The following BACE2 variants were observed in gnomAD, a reference collection of about 807,000 sequenced individuals.
BACE2 encodes the protein beta-secretase 2.
Under a neutral mutation model 46.2 loss-of-function variants are expected in BACE2, and 17 were observed. The ratio of observed to expected loss-of-function variants is 0.37; its 90% CI spans 0.25 to 0.55. The LOEUF (loss-of-function observed/expected upper bound fraction) is 0.55. Among genes scored for constraint, BACE2 ranks in the 20% least tolerant of loss-of-function variants. The pLI is 0.82. For missense variants in BACE2, 595 were observed against 698.1 expected, an observed-to-expected ratio of 0.85 and a Z score of 1.66; for synonymous variants, 277 against 295.9, an observed-to-expected ratio of 0.94 and a Z score of 0.66.
At chr21:41,186,962 A>G (rs1250273121) in intron 1 of BACE2, among the ~76,000 whole-genome samples, 3 of 152,240 alleles carry the variant, frequency 2.0e-5, no homozygotes, top group African/African-American at 4.8e-5. Flanking sequence ...GTAAACCGAC[A>G]TGGCATGCTG....
intron 1 of BACE2, chr21:41,183,383 C>T (rs537684126): frequency 1.2e-5 from 2 of 167,118 alleles, no homozygotes; most frequent in African/African-American, 4.8e-5. Context: ...AGTTTGACAG[C>T]ACGCTAGATG....
At chr21:41,249,479 T>G (rs757148027) in intron 6 of BACE2, among the ~76,000 whole-genome samples, 1 of 152,184 alleles carries the variant, frequency 6.6e-6, no homozygotes, top group Non-Finnish European at 1.5e-5. Context: ...CCTCTGCAGA[T>G]GAAATGTGGT....
At chr21:41,179,494 G>A in intron 1 of BACE2, 1 of 1,335,946 alleles carries the variant, frequency 7.5e-7, no homozygotes, top group East Asian at 4.8e-5. Context: ...AGGGTGAGGA[G>A]TGACGGTGTC....
intron 1 of BACE2, among the ~76,000 whole-genome samples, chr21:41,225,097 G>A (rs1171243026): frequency 6.6e-5 from 10 of 152,060 alleles, no homozygotes; most frequent in Admixed American, 2.6e-4. Context: ...ATCCGGGCTC[G>A]GTGGCGGGCA....
chr21:41,222,596 G>C (rs1026953107), intron 1 of BACE2, among the ~76,000 whole-genome samples: 1 of 152,228 alleles, frequency 6.6e-6, no homozygotes, highest in African/African-American at 2.4e-5. Context: ...TGAGGACTTC[G>C]CCAGTTACTC....
rs896049040 is a variant in BACE2, at chr21:41,243,410, G to A, written c.782G>A (p.Gly261Glu). ...LGGIEPSLYK[G>E]DIWYTPIKEE... ...GGAATTGAACCAAGTTTGTATAAAG[G>A]AGACATCTGGTATACCCCTATTAAG... Residue 261 changes from glycine to glutamate, a missense_variant, in exon 5 of 9, where the codon GGA becomes GAA. By Grantham distance (98) the Gly-to-Glu change is moderately conservative. Transcript: ENST00000330333. 1.2e-5 allele frequency: 20 copies of A among 1,609,808 alleles called. No homozygotes were observed. The highest frequency in any genetic ancestry group is 1.6e-5 in the Non-Finnish European group (19 of 1,178,634).
chr21:41,185,374 A>C (rs1985332941), intron 1 of BACE2: 1 of 152,184 alleles, frequency 6.6e-6, no homozygotes, highest in Non-Finnish European at 1.5e-5. Flanking sequence ...TGACTTGCTG[A>C]AGAACCTACC....
chr21:41,198,097 T>C (rs1985803282), intron 1 of BACE2, among the ~76,000 whole-genome samples: 1 of 152,140 alleles, frequency 6.6e-6, no homozygotes, highest in Non-Finnish European at 1.5e-5. Context: ...GTTCAAGCAA[T>C]TCTCGTGCCT....
intron 1 of BACE2, among the ~76,000 whole-genome samples, chr21:41,188,903 G>A (rs1205217513): frequency 6.6e-6 from 1 of 152,206 alleles, no homozygotes; most frequent in Non-Finnish European, 1.5e-5. Flanking sequence ...CACAGCCAAT[G>A]GCACATTGGT....
At chr21:41,268,160 G>T (rs1177646538) in intron 8 of BACE2, among the ~76,000 whole-genome samples, 1 of 152,164 alleles carries the variant, frequency 6.6e-6, no homozygotes, top group Admixed American at 6.5e-5. Context: ...CTATTAACTT[G>T]ATTGTTCTTA....
At chr21:41,195,789 A>G (rs1042738573) in intron 1 of BACE2, among the ~76,000 whole-genome samples, 1 of 152,260 alleles carries the variant, frequency 6.6e-6, no homozygotes, top group Non-Finnish European at 1.5e-5. Flanking sequence ...AATCAAATGT[A>G]TGACCACAAA....
At chr21:41,218,990 G>C (rs1986559767) in intron 1 of BACE2, among the ~76,000 whole-genome samples, 1 of 151,966 alleles carries the variant, frequency 6.6e-6, no homozygotes, top group Non-Finnish European at 1.5e-5. Context: ...AGCCTCCCGA[G>C]TAGCTGGGAC....
rs780293498 is a variant in BACE2 at position 41,257,355 on chromosome 21, C to T, written c.1303+29C>T. ...AGCGATTCTGGCATCGAACAGGGAT[C>T]CCCGACAAGAGTCCTTTATGTAAAT... On this transcript the variant is annotated intron_variant, in intron 8 of 8. Coordinates refer to ENST00000330333, the MANE Select transcript of BACE2 (RefSeq NM_012105.5). The T allele has an allele frequency of 2.5e-6, 4 of 1,607,724 alleles. No individual in the cohort carries two copies. In the South Asian group the frequency reaches 3.3e-5, roughly 13 times the overall value.
At chr21:41,270,986 A>G (rs79177447) in intron 8 of BACE2, among the ~76,000 whole-genome samples, 2,647 of 152,270 alleles carry the variant, frequency 0.017, 87 homozygotes, top group African/African-American at 0.061. Context: ...AAACACTGTT[A>G]TTAGGTAAAA....
rs1479979438 is a variant in BACE2 at position 41,279,055 on chromosome 21, C to T, written c.*3431C>T. ...TTGTTTTTTTTGAAAAACGACGCAACACCATAAAGTGTAAAATTAGGGGTT... is the reference window on the plus strand; with the variant it reads ...TTGTTTTTTTTGAAAAACGACGCAATACCATAAAGTGTAAAATTAGGGGTT... On this transcript the variant is annotated 3_prime_UTR_variant, in exon 9 of 9. Transcript: ENST00000330333. 6.6e-6 allele frequency: 1 copy of T among 151,796 alleles called. No individual in the cohort carries two copies. The highest frequency in any genetic ancestry group is 1.5e-5 in the Non-Finnish European group (1 of 68,010). 9.4% of individuals were successfully genotyped at this position (151,796 alleles called of 1,614,324 possible).
Position 41,272,648 on chromosome 21 carries a change from A to G in BACE2, c.1304-2723A>G, listed in dbSNP as rs79149196. On this transcript the variant is annotated intron_variant, in intron 8 of 8. Coordinates refer to ENST00000330333, the MANE Select transcript of BACE2 (RefSeq NM_012105.5). ...ACTAAAAATTTGATTTAGATCTTTA[A>G]TGTCTTCCGTGTCTCTATTTAACAT... Among the ~76,000 whole-genome samples, 1,108 of 152,124 alleles carry G rather than the reference A, an allele frequency of 7.3e-3. 14 individuals carry two copies. The highest frequency in any genetic ancestry group is 0.025 in the African/African-American group (1,025 of 41,498).
At chr21:41,258,237 G>T (rs1478730524) in intron 8 of BACE2, among the ~76,000 whole-genome samples, 1 of 152,198 alleles carries the variant, frequency 6.6e-6, no homozygotes, top group African/African-American at 2.4e-5. Context: ...AAAATTAAGT[G>T]TGAGGTCAAA....
intron 1 of BACE2, among the ~76,000 whole-genome samples, chr21:41,187,148 C>A (rs1320813769): frequency 6.6e-6 from 1 of 152,204 alleles, no homozygotes; most frequent in African/African-American, 2.4e-5. Context: ...CTGAGACCCA[C>A]TCCCCACTGG....
chr21:41,221,515 GT>G (rs1986644902), intron 1 of BACE2, among the ~76,000 whole-genome samples: 1 of 152,132 alleles, frequency 6.6e-6, no homozygotes, highest in African/African-American at 2.4e-5. Flanking sequence ...AAATAATTTT[GT>G]TGTCGATTCC....
Sources: gnomAD v4.1 joint callset for allele counts (sites outside exome capture counted in the v4.1 genomes callset) on GRCh38, gnomAD v4.1.1 for gene constraint, MANE v1.5 for transcripts, NCBI Gene and HGNC (gene_info 2026-07-23, HGNC 2026-07-21) for gene names.